GRID2: variants seen among roughly 807,000 people sequenced by gnomAD.
GRID2 encodes the protein glutamate ionotropic receptor delta type subunit 2, also known as glutamate receptor ionotropic, delta-2.
Under a neutral mutation model 114.8 loss-of-function variants are expected in GRID2, and 33 were observed. The ratio of observed to expected loss-of-function variants is 0.29; its 90% CI spans 0.22 to 0.38. GRID2 has a LOEUF of 0.38. GRID2 is among the 10% of genes least tolerant of loss of function. The pLI is 1.00. For synonymous variants in GRID2, 505 were observed against 449.9 expected (o/e 1.12, Z -1.55); for missense variants, 1,184 against 1,257.7 (o/e 0.94, Z 0.89).
In GRID2 at chr4:93,085,233, A is replaced by T. The variant is rs777156250; in HGVS notation, c.483A>T (p.Thr161=). The change falls in exon 3 of 16, where the codon ACA becomes ACT. Residue 161 remains threonine, a synonymous_variant. Coordinates refer to ENST00000282020, the MANE Select transcript of GRID2 (RefSeq NM_001510.4). The stretch of plus-strand genomic sequence containing the variant: ...ATGATGTTATCCTAAGAGTGGTCAC[A>T]GAGTATGCCTGGCAGAAATTCATTA... ...YLHDVILRVV[T]EYAWQKFIIF... is the part of the protein sequence containing the mutation. 1.1e-4 allele frequency: 170 copies of T among 1,613,530 alleles called. 2 individuals are homozygous for T. In the Admixed American group the frequency reaches 2.8e-3, roughly 26 times the overall value.
At chr4:93,260,254 T>C (rs1326250110) in intron 8 of GRID2, among the ~76,000 whole-genome samples, 2 of 151,638 alleles carry the variant, frequency 1.3e-5, no homozygotes, top group Non-Finnish European at 3.0e-5. Flanking sequence ...ATTTCCTATA[T>C]AGTTTAAATT....
At chr4:92,947,994 G>T (rs76570658) in intron 2 of GRID2, among the ~76,000 whole-genome samples, 1 of 151,828 alleles carries the variant, frequency 6.6e-6, no homozygotes, top group East Asian at 1.9e-4. Flanking sequence ...TCATATGAAG[G>T]TGGCACAAAT....
At chr4:93,604,581 A>G (rs993872155) in intron 13 of GRID2, among the ~76,000 whole-genome samples, 2 of 152,190 alleles carry the variant, frequency 1.3e-5, no homozygotes, top group Admixed American at 6.5e-5. Context: ...TGAAAGTTCT[A>G]CTCTGGGTAA....
At chr4:92,995,154 G>T (rs967167078) in intron 2 of GRID2, among the ~76,000 whole-genome samples, 1 of 152,178 alleles carries the variant, frequency 6.6e-6, no homozygotes, top group Non-Finnish European at 1.5e-5. Flanking sequence ...AGTGGGCAGA[G>T]ACATTTCTTC....
At chr4:92,968,824 G>A (rs1753321609) in intron 2 of GRID2, among the ~76,000 whole-genome samples, 1 of 151,630 alleles carries the variant, frequency 6.6e-6, no homozygotes, top group Admixed American at 6.6e-5. Context: ...TTTTTGACTG[G>A]CTGTTTTCAC....
intron 2 of GRID2, among the ~76,000 whole-genome samples, chr4:93,042,716 GATAT>G (rs892364731): frequency 7.5e-6 from 1 of 133,902 alleles, no homozygotes; most frequent in African/African-American, 2.8e-5. Flanking sequence ...TATATATATA[GATAT>G]ATAGAGAGAG....
At chr4:92,592,000 A>C (rs1728725340) in intron 2 of GRID2, among the ~76,000 whole-genome samples, 1 of 152,076 alleles carries the variant, frequency 6.6e-6, no homozygotes, top group African/African-American at 2.4e-5. Context: ...TGGAAATGTT[A>C]ATAAATATTA....
At chr4:93,127,934 T>C (rs149059626) in intron 4 of GRID2, among the ~76,000 whole-genome samples, 1,787 of 146,568 alleles carry the variant, frequency 0.012, 17 homozygotes, top group Non-Finnish European at 0.018. Context: ...TGTGGGAGGA[T>C]AGTTTGATCC....
Position 92,934,914 on chromosome 4 carries a change from C to A in GRID2, c.245-150081C>A, listed in dbSNP as rs1216733153. On this transcript the variant is annotated intron_variant, in intron 2 of 15. Transcript: ENST00000282020. ...AAGATGGATTAAAGACTTAAACGTT[C>A]GACCTAAAACCATAAAAACCCTAGA... is the stretch of plus-strand genomic sequence containing the variant. Among the ~76,000 whole-genome samples, 117 of 146,384 alleles carry A rather than the reference C, an allele frequency of 8.0e-4. 12 individuals carry two copies. The highest frequency in any genetic ancestry group is 7.1e-3 in the Middle Eastern group (2 of 280).
chr4:93,144,342 G>C, intron 4 of GRID2, among the ~76,000 whole-genome samples: 1 of 152,170 alleles, frequency 6.6e-6, no homozygotes, highest in East Asian at 1.9e-4. Flanking sequence ...TTTTTAAGGA[G>C]AAAACTGAAG....
chr4:93,501,993 A>G lies in GRID2; in HGVS notation c.1997+11216A>G, dbSNP rs373439799. On this transcript the variant is annotated intron_variant, in intron 12 of 15. Coordinates refer to ENST00000282020, the MANE Select transcript of GRID2 (RefSeq NM_001510.4). The stretch of plus-strand genomic sequence containing the variant: ...GAAGTCTGCTGGATAAATAAATTCT[A>G]TCCACCACAAACTTATAGATATGGT... Among the ~76,000 whole-genome samples the G allele has an allele frequency of 2.8e-4, 43 of 151,762 alleles. 1 individual carries two copies. In the South Asian group the frequency reaches 8.9e-3, roughly 31 times the overall value.
intron 1 of GRID2, among the ~76,000 whole-genome samples, chr4:92,420,294 T>G (rs763143773): frequency 6.6e-6 from 1 of 152,190 alleles, no homozygotes; most frequent in Non-Finnish European, 1.5e-5. Context: ...TACCATAAAC[T>G]TTTAAATAGT....
At chr4:93,458,307 GC>G (rs1187322302) in intron 11 of GRID2, among the ~76,000 whole-genome samples, 2 of 152,136 alleles carry the variant, frequency 1.3e-5, no homozygotes, top group Admixed American at 6.5e-5. Flanking sequence ...GCTTGTCTTT[GC>G]CCTATGATGT....
chr4:92,734,643 A>G (rs1005347732), intron 2 of GRID2, among the ~76,000 whole-genome samples: 2 of 152,004 alleles, frequency 1.3e-5, no homozygotes, highest in Non-Finnish European at 2.9e-5. Context: ...TGAATACTGG[A>G]ATTAAGAATA....
In GRID2 at chr4:93,373,520, A is replaced by C. The variant is rs114399031; in HGVS notation, c.1246-22087A>C. Among the ~76,000 whole-genome samples the C allele has an allele frequency of 3.0e-3, 450 of 152,272 alleles. 2 individuals are homozygous for C. The highest frequency in any genetic ancestry group is 1.0e-2 in the African/African-American group (414 of 41,576). On this transcript the variant is annotated intron_variant, in intron 8 of 15. Coordinates refer to ENST00000282020, the MANE Select transcript of GRID2 (RefSeq NM_001510.4). ...CAACAAGATGTTATCACCCATAGAC[A>C]AGAATCATATTTTATATATCTTTAT...
At chr4:93,622,359 AT>A (rs1396052361) in intron 13 of GRID2, among the ~76,000 whole-genome samples, 2 of 152,128 alleles carry the variant, frequency 1.3e-5, no homozygotes, top group African/African-American at 2.4e-5. Flanking sequence ...GATATTACTC[AT>A]TTTTTTATCA....
intron 2 of GRID2, among the ~76,000 whole-genome samples, chr4:92,638,268 G>A (rs142961449): frequency 6.6e-6 from 1 of 151,662 alleles, no homozygotes; most frequent in Non-Finnish European, 1.5e-5. Flanking sequence ...CTAACTCAGT[G>A]TAGAAGAGCC....
chr4:92,792,655 T>C (rs1004628035), intron 2 of GRID2, among the ~76,000 whole-genome samples: 2 of 151,832 alleles, frequency 1.3e-5, no homozygotes, highest in Non-Finnish European at 2.9e-5. Flanking sequence ...TTGAAAACTT[T>C]AGTGAAAACA....
intron 4 of GRID2, among the ~76,000 whole-genome samples, chr4:93,148,712 G>C (rs1736472760): frequency 6.6e-6 from 1 of 152,046 alleles, no homozygotes; most frequent in African/African-American, 2.4e-5. Context: ...TATAAGTAAA[G>C]TTACTTATAA....
Sources: allele counts gnomAD v4.1 joint callset (sites outside exome capture counted in the v4.1 genomes callset), GRCh38; gene constraint gnomAD v4.1.1; transcripts MANE v1.5; gene names NCBI Gene and HGNC (gene_info 2026-07-23, HGNC 2026-07-21).